Variants in TEKTIP1 observed in about 807,000 individuals in gnomAD.
TEKTIP1 encodes the protein tektin bundle interacting protein 1.
the TEKTIP1 span, chr19:3,543,483 C>A: frequency 1.3e-6 from 2 of 1,500,562 alleles, no homozygotes; most frequent in South Asian, 1.2e-5. Context: ...GGTGAGTGCC[C>A]CCCCCCCCGC....
the TEKTIP1 span, among the ~76,000 whole-genome samples, chr19:3,541,265 G>C: frequency 6.6e-6 from 1 of 151,904 alleles, no homozygotes; most frequent in African/African-American, 2.4e-5. Context: ...GAGCCTAGGA[G>C]GTCAAGGCTG....
the TEKTIP1 span, chr19:3,542,690 C>T: frequency 1.0e-5 from 13 of 1,238,872 alleles, no homozygotes; most frequent in African/African-American, 1.1e-4. Context: ...ACCATGCTGG[C>T]CAGGCTGGTC....
the TEKTIP1 span, chr19:3,539,319 G>T: frequency 1.4e-5 from 15 of 1,087,236 alleles, no homozygotes; most frequent in Admixed American, 1.4e-4. Flanking sequence ...CTCCCTGGGT[G>T]TCAGGTTACA....
At chr19:3,542,381 G>C in the TEKTIP1 span, 289 of 985,436 alleles carry the variant, frequency 2.9e-4, no homozygotes, top group African/African-American at 4.7e-3. Context: ...AACCCTGCTA[G>C]ACTGTCTTGG....
At chr19:3,543,009 G>A in the TEKTIP1 span, 1 of 1,601,672 alleles carries the variant, frequency 6.2e-7, no homozygotes, top group Non-Finnish European at 8.5e-7. Flanking sequence ...GCTGACTTGG[G>A]TGCTTGGGGT....
the TEKTIP1 span, among the ~76,000 whole-genome samples, chr19:3,541,006 TA>T: frequency 6.8e-6 from 1 of 147,330 alleles, no homozygotes; most frequent in Non-Finnish European, 1.5e-5. Flanking sequence ...CCATCTGTAC[TA>T]AAAGTACAAA....
chr19:3,539,352 C>T, the TEKTIP1 span: 174 of 700,180 alleles, frequency 2.5e-4, 5 homozygotes, highest in South Asian at 2.7e-3. Context: ...TGGGGTCTTG[C>T]ACGTGTCACT....
At chr19:3,543,390 CA>C in the TEKTIP1 span, 1 of 1,549,152 alleles carries the variant, frequency 6.5e-7, no homozygotes, top group Non-Finnish European at 8.7e-7. Context: ...TACAACCTGC[CA>C]CGGGCCCCGG....
the TEKTIP1 span, chr19:3,543,798 G>A: frequency 1.7e-5 from 26 of 1,501,178 alleles, no homozygotes; most frequent in African/African-American, 3.2e-4. Context: ...GAGGAGGTGG[G>A]GGCACATGGT....
chr19:3,543,598 C>T, the TEKTIP1 span: 258 of 1,544,388 alleles, frequency 1.7e-4, 1 homozygote, highest in East Asian at 3.3e-3. Context: ...ATGACCCCAT[C>T]GTCCCTGCCC....
At chr19:3,543,742 G>A in the TEKTIP1 span, 3 of 1,494,266 alleles carry the variant, frequency 2.0e-6, no homozygotes, top group South Asian at 1.3e-5. Flanking sequence ...CTAGGCCAGG[G>A]TGAAACTGCC....
the TEKTIP1 span, chr19:3,542,654 C>T: frequency 3.0e-5 from 33 of 1,118,054 alleles, no homozygotes; most frequent in African/African-American, 8.2e-5. Context: ...GCTTAATTTT[C>T]GTATTTTTAG....
the TEKTIP1 span, chr19:3,543,734 A>G: frequency 2.3e-5 from 34 of 1,494,576 alleles, no homozygotes; most frequent in Admixed American, 7.2e-4. Flanking sequence ...AAGGCCACCT[A>G]GGCCAGGGTG....
the TEKTIP1 span, chr19:3,543,143 C>CCT: frequency 4.8e-4 from 721 of 1,512,650 alleles, 1 homozygote; most frequent in African/African-American, 9.0e-3. Flanking sequence ...GTGGGCCAGG[C>CCT]CTCTACATCA....
the TEKTIP1 span, among the ~76,000 whole-genome samples, chr19:3,541,341 AAAAG>A: frequency 6.6e-6 from 1 of 151,760 alleles, no homozygotes; most frequent in South Asian, 2.1e-4. Flanking sequence ...CTCAAAAAAA[AAAAG>A]AGGGTCTCGC....
At chr19:3,542,929 T>C in the TEKTIP1 span, 5 of 1,460,210 alleles carry the variant, frequency 3.4e-6, no homozygotes, top group African/African-American at 4.2e-5. Context: ...AATCCAGGAG[T>C]AGCCAGGGCC....
At chr19:3,542,814 C>T in the TEKTIP1 span, 1 of 1,373,006 alleles carries the variant, frequency 7.3e-7, no homozygotes, top group Non-Finnish European at 9.7e-7. Flanking sequence ...TGGGCCATGG[C>T]TTAGTGCCAG....
the TEKTIP1 span, chr19:3,543,791 G>C: frequency 6.7e-7 from 1 of 1,497,210 alleles, no homozygotes; most frequent in Admixed American, 2.2e-5. Context: ...CAACGGCGAG[G>C]AGGTGGGGGC....
At chr19:3,543,895 C>A in the TEKTIP1 span, 2 of 1,550,916 alleles carry the variant, frequency 1.3e-6, no homozygotes, top group Non-Finnish European at 1.7e-6. Flanking sequence ...CCCTCCCTGT[C>A]GGCACCCCAG....
Sources: allele counts gnomAD v4.1 joint callset (sites outside exome capture counted in the v4.1 genomes callset), GRCh38; gene constraint gnomAD v4.1.1; transcripts MANE v1.5; gene names NCBI Gene and HGNC (gene_info 2026-07-23, HGNC 2026-07-21).